TRAK1: variants seen among roughly 807,000 people sequenced by gnomAD.
The protein encoded by TRAK1 is trafficking kinesin-binding protein 1.
In TRAK1, 33 loss-of-function variants were observed where a neutral mutation model predicts 92.1. The ratio of observed to expected loss-of-function variants is 0.36; its 90% confidence interval spans 0.27 to 0.48. The LOEUF is 0.48. TRAK1 is among the 20% of genes least tolerant of loss of function. The probability of loss-of-function intolerance (pLI) is 0.99; values close to 1 mark genes in which losing one functional copy is unlikely to be tolerated. For synonymous variants in TRAK1, 521 were observed against 517.3 expected (o/e 1.01, Z -0.10); for missense variants, 1,123 against 1,257.9 (o/e 0.89, Z 1.62).
At chr3:42,194,734 C>T (rs757570416) in intron 9 of TRAK1, 70 bp from the exon 10 acceptor site, 47 of 1,558,096 alleles carry the variant, frequency 3.0e-5, no homozygotes, top group African/African-American at 5.4e-5. Context: ...TTCTGGCCTT[C>T]GGATGGGCAG....
At chr3:42,219,138 C>G (rs1710050218) in intron 14 of TRAK1, 1 of 985,236 alleles carries the variant, frequency 1.0e-6, no homozygotes, top group Non-Finnish European at 1.2e-6. Flanking sequence ...AAGAAGACAG[C>G]AGGTTCTGAC....
intron 1 of TRAK1, among the ~76,000 whole-genome samples, chr3:42,037,474 C>G (rs1229041857): frequency 6.6e-6 from 1 of 152,144 alleles, no homozygotes; most frequent in Non-Finnish European, 1.5e-5. Flanking sequence ...AGGCAGGGTA[C>G]TGGGGATGGT....
At chr3:42,136,814 C>T (rs1698018510) in intron 2 of TRAK1, among the ~76,000 whole-genome samples, 1 of 152,102 alleles carries the variant, frequency 6.6e-6, no homozygotes, top group African/African-American at 2.4e-5. Context: ...TCCCGAGTAG[C>T]TGGGATTACA....
chr3:42,130,857 G>C (rs1200881383), intron 2 of TRAK1, among the ~76,000 whole-genome samples: 1 of 152,238 alleles, frequency 6.6e-6, no homozygotes, highest in South Asian at 2.1e-4. Context: ...CTGAGGTGCG[G>C]GGTGCATTGA....
chr3:42,081,492 G>A (rs897826047), intron 1 of TRAK1, among the ~76,000 whole-genome samples: 1 of 152,162 alleles, frequency 6.6e-6, no homozygotes, highest in African/African-American at 2.4e-5. Flanking sequence ...CCTAATATGT[G>A]CCAACACCGG....
In TRAK1 at chr3:42,125,550, C is replaced by A; in HGVS notation, c.222C>A (p.Leu74=). The A allele has an allele frequency of 6.2e-7, 1 of 1,614,254 alleles. No homozygotes were observed. The highest frequency in any genetic ancestry group is 1.3e-5 in the African/African-American group (1 of 75,074). ...YDHDDWLHTP[L]ISPDANIDLT... ...ACGACGACTGGCTCCATACACCTCT[C>A]ATTTCTCCAGATGCCAACATTGACC... Residue 74 remains leucine, a synonymous_variant, in exon 2 of 16, where the codon CTC becomes CTA. Coordinates refer to ENST00000327628, the MANE Select transcript of TRAK1 (RefSeq NM_001042646.3).
intron 1 of TRAK1, among the ~76,000 whole-genome samples, chr3:42,069,328 A>AAAAAAG (rs1366690635): frequency 6.6e-6 from 1 of 151,738 alleles, no homozygotes; most frequent in East Asian, 1.9e-4. Context: ...CTCAAAAAAA[A>AAAAAAG]AAAGAAAAAA....
chr3:42,163,791 G>C (rs1701554335), intron 2 of TRAK1, among the ~76,000 whole-genome samples: 1 of 152,136 alleles, frequency 6.6e-6, no homozygotes, highest in Admixed American at 6.5e-5. Flanking sequence ...TCTTATGATA[G>C]ATAATTACTG....
intron 1 of TRAK1, among the ~76,000 whole-genome samples, chr3:42,098,691 G>A (rs1259238639): frequency 6.6e-6 from 1 of 152,136 alleles, no homozygotes; most frequent in East Asian, 1.9e-4. Context: ...TCTGGTCCAG[G>A]CTCACTTCCT....
Position 42,094,292 on chromosome 3 carries a change from TTC to T in TRAK1, c.91+2736_91+2737del, listed in dbSNP as rs531672386. On this transcript the variant is annotated intron_variant, in intron 1 of 15. Coordinates refer to ENST00000327628, the MANE Select transcript of TRAK1 (RefSeq NM_001042646.3). ...CAGGGGGAACTTTGGAGTCAGAAAC[TTC>T]TCTGTTTTCACTGAGCCCTGATCTC... Among the ~76,000 whole-genome samples, 11 of 152,270 alleles carry T rather than the reference TTC, an allele frequency of 7.2e-5. No homozygotes were observed. The East Asian group carries it at 1.9e-3, about 27-fold the overall frequency.
Position 42,202,287 on chromosome 3 carries a change from CT to C in TRAK1, c.1428-148del. On this transcript the variant is annotated intron_variant, in intron 12 of 15. Coordinates refer to ENST00000327628, the MANE Select transcript of TRAK1 (RefSeq NM_001042646.3). The surrounding 1 kb of genome is among the most constrained non-coding windows in gnomAD (Gnocchi z 6.1). ...GTTCTGGACACGAATTTATTTCCCC[CT>C]GTTGCCTAAATGTCAACTGCTTGCC... 1.2e-6 allele frequency: 1 copy of C among 831,850 alleles called. No individual in the cohort carries two copies. The highest frequency in any genetic ancestry group is 5.5e-5 in the South Asian group (1 of 18,152). 51.5% of individuals were successfully genotyped at this position (831,850 alleles called of 1,614,324 possible).
intron 14 of TRAK1, chr3:42,218,709 T>C (rs1370869619): frequency 1.0e-6 from 1 of 985,224 alleles, no homozygotes; most frequent in Non-Finnish European, 1.2e-6. Context: ...TGTTAGAACA[T>C]TAAAAGGAAG....
chr3:42,190,762 C>T (rs558237735), intron 6 of TRAK1, among the ~76,000 whole-genome samples: 309 of 150,868 alleles, frequency 2.0e-3, no homozygotes, highest in Non-Finnish European at 2.6e-3. Context: ...CTTTCTCTCC[C>T]TCTTTCTCTC....
intron 2 of TRAK1, among the ~76,000 whole-genome samples, chr3:42,170,761 A>T (rs1470922255): frequency 6.6e-6 from 1 of 152,008 alleles, no homozygotes; most frequent in Non-Finnish European, 1.5e-5. Context: ...TAAAGAAATG[A>T]CCTATATGTA....
intron 1 of TRAK1, among the ~76,000 whole-genome samples, chr3:42,091,775 G>A (rs969833125): frequency 1.3e-5 from 2 of 151,974 alleles, no homozygotes; most frequent in Non-Finnish European, 2.9e-5. Context: ...CCCATCTCCC[G>A]TTCCCAGGTC....
At chr3:42,017,553 C>T (rs1027319662) in intron 1 of TRAK1, among the ~76,000 whole-genome samples, 1 of 152,182 alleles carries the variant, frequency 6.6e-6, no homozygotes, top group Non-Finnish European at 1.5e-5. Context: ...TTAGATGTAT[C>T]TAAGTGGAGG....
chr3:42,193,881 C>A lies in TRAK1; in HGVS notation c.958C>A (p.Arg320=), dbSNP rs780173460. 2.5e-6 allele frequency: 4 copies of A among 1,614,012 alleles called. No homozygotes were observed. The African/African-American group carries it at 5.3e-5, about 22-fold the overall frequency. ...QHLGAAKDAQ[R]QLTAELRELE... Reference sequence around the variant, plus strand: ...TCTGGGGGCTGCTAAGGATGCCCAGCGGCAGCTCACAGCCGAGGTGAGCAC... The same window carrying A: ...TCTGGGGGCTGCTAAGGATGCCCAGAGGCAGCTCACAGCCGAGGTGAGCAC... Residue 320 remains arginine (R), a synonymous_variant, in exon 9 of 16, where the codon CGG becomes AGG. Transcript: ENST00000327628.
At chr3:42,206,590 C>T (rs188745668) in intron 13 of TRAK1, among the ~76,000 whole-genome samples, 63 of 152,286 alleles carry the variant, frequency 4.1e-4, no homozygotes, top group African/African-American at 9.6e-4. Flanking sequence ...GCAGGGATAA[C>T]GTGAAGATTA....
intron 10 of TRAK1, 90 bp from the exon 11 acceptor site, chr3:42,199,087 C>T (rs1707163582): frequency 2.9e-6 from 4 of 1,395,500 alleles, no homozygotes; most frequent in South Asian, 1.2e-5. Context: ...TTGGTTTACT[C>T]TCCATGGCCC....
Sources: allele counts gnomAD v4.1 joint callset (sites outside exome capture counted in the v4.1 genomes callset), GRCh38; gene constraint gnomAD v4.1.1; non-coding constraint Gnocchi (gnomAD v3.1); transcripts MANE v1.5; gene names NCBI Gene and HGNC (gene_info 2026-07-23, HGNC 2026-07-21).